ANKS1B: variants seen among roughly 807,000 people sequenced by gnomAD.
ANKS1B encodes ankyrin repeat and sterile alpha motif domain-containing protein 1B.
ANKS1B carries 36 observed loss-of-function variants against 148.3 expected under a neutral mutation model. The observed-to-expected ratio is 0.24, with a 90% CI of 0.19 to 0.32. The LOEUF (loss-of-function observed/expected upper bound fraction) is 0.32. Among genes scored for constraint, ANKS1B ranks in the 10% least tolerant of loss-of-function variants. ANKS1B has a pLI of 1.00. For missense variants in ANKS1B, 1,157 were observed against 1,542.6 expected (o/e 0.75, Z 4.19); for synonymous variants, 542 against 560.8 (o/e 0.97, Z 0.47).
intron 9 of ANKS1B, among the ~76,000 whole-genome samples, chr12:99,562,056 C>T (rs1478220492): frequency 1.3e-5 from 2 of 152,184 alleles, no homozygotes; most frequent in East Asian, 3.9e-4. Context: ...ATAAAAACAA[C>T]ACTAATATCC....
chr12:99,245,751 TTTTC>T (rs1163459726), intron 13 of ANKS1B, among the ~76,000 whole-genome samples: 1 of 152,200 alleles, frequency 6.6e-6, no homozygotes, highest in Non-Finnish European at 1.5e-5. Context: ...TCAAACATTT[TTTTC>T]TTTATTTCCC....
chr12:99,380,261 T>C (rs2093583267), intron 12 of ANKS1B, among the ~76,000 whole-genome samples: 1 of 152,250 alleles, frequency 6.6e-6, no homozygotes, highest in African/African-American at 2.4e-5. Context: ...GCTATATTTG[T>C]AGAGCTGCTC....
intron 12 of ANKS1B, among the ~76,000 whole-genome samples, chr12:99,292,710 C>T (rs535106516): frequency 4.6e-5 from 7 of 152,120 alleles, no homozygotes; most frequent in Non-Finnish European, 8.8e-5. Flanking sequence ...AGACACTTCT[C>T]AAAAGAAAAC....
intron 15 of ANKS1B, among the ~76,000 whole-genome samples, chr12:99,098,619 CTTTTTTTTTTTTTTTTTTTTTTTTT>C (rs71081896): frequency 0.024 from 759 of 32,164 alleles, 41 homozygotes; most frequent in African/African-American, 0.076. Flanking sequence ...CTAGGAACTA[CTTTTTTTTTTTTTTTTTTTTTTTTT>C]TTTTTTTTTT....
chr12:99,217,873 C>T (rs2084470656), intron 14 of ANKS1B, among the ~76,000 whole-genome samples: 1 of 152,098 alleles, frequency 6.6e-6, no homozygotes, highest in Non-Finnish European at 1.5e-5. Flanking sequence ...AACTGAGGCT[C>T]AGAGTGAATA....
chr12:99,864,190 T>C (rs1480315617), intron 1 of ANKS1B, among the ~76,000 whole-genome samples: 2 of 151,542 alleles, frequency 1.3e-5, no homozygotes, highest in African/African-American at 4.8e-5. Flanking sequence ...CACAAACACC[T>C]AACTGGTCTC....
At chr12:98,852,780 CA>C (rs1430297058) in intron 17 of ANKS1B, among the ~76,000 whole-genome samples, 1 of 152,078 alleles carries the variant, frequency 6.6e-6, no homozygotes, top group Admixed American at 6.5e-5. Flanking sequence ...TTGCCTCCTC[CA>C]TTAAAATGAA....
chr12:99,932,095 A>T (rs1014411763), intron 1 of ANKS1B, among the ~76,000 whole-genome samples: 5 of 152,192 alleles, frequency 3.3e-5, no homozygotes, highest in Non-Finnish European at 5.9e-5. Flanking sequence ...GTTGCAAATT[A>T]CAGGATCTCA....
chr12:98,879,412 G>C (rs2099700571), intron 17 of ANKS1B, among the ~76,000 whole-genome samples: 1 of 152,184 alleles, frequency 6.6e-6, no homozygotes, highest in Non-Finnish European at 1.5e-5. Flanking sequence ...AAGTCATAGA[G>C]TGAGGATGTA....
chr12:98,898,243 T>G (rs986655029), intron 17 of ANKS1B, among the ~76,000 whole-genome samples: 1 of 152,208 alleles, frequency 6.6e-6, no homozygotes, highest in African/African-American at 2.4e-5. Flanking sequence ...AAGTAAATAT[T>G]ACAGTCTGGA....
chr12:99,871,403 T>C lies in ANKS1B; in HGVS notation c.135-46014A>G, dbSNP rs543070729. Among the ~76,000 whole-genome samples, 3 of 152,276 alleles carry C rather than the reference T, an allele frequency of 2.0e-5. No homozygotes were observed. In the South Asian group the frequency reaches 6.2e-4, roughly 32 times the overall value. On this transcript the variant is annotated intron_variant, in intron 1 of 26. Transcript: ENST00000683438. ...GCTTTGGCTATTTGGGCTCTTTTTT[T>C]AGTTCCACATGAATTTTAGAATAGT...
rs528692218 is a variant in ANKS1B, at chr12:98,806,325, T to A, written c.3141+1519A>T. On this transcript the variant is annotated intron_variant, in intron 20 of 26. Coordinates refer to ENST00000683438, the MANE Select transcript of ANKS1B (RefSeq NM_001352186.2). ...CTTTAAAATTTTTAAAAATTAGGAT[T>A]TAATTGATTTTTAAAAATAGAACCT... Among the ~76,000 whole-genome samples, 5 of 152,354 alleles carry A rather than the reference T, an allele frequency of 3.3e-5. No homozygotes were observed. In the South Asian group the frequency reaches 1.0e-3, roughly 32 times the overall value.
chr12:99,662,248 C>T (rs576764646), intron 8 of ANKS1B, among the ~76,000 whole-genome samples: 1 of 152,244 alleles, frequency 6.6e-6, no homozygotes, highest in East Asian at 1.9e-4. Context: ...CTTTGGAAGG[C>T]CTTCTTGATG....
chr12:98,883,283 G>A (rs2099719833), intron 17 of ANKS1B, among the ~76,000 whole-genome samples: 1 of 152,100 alleles, frequency 6.6e-6, no homozygotes, highest in African/African-American at 2.4e-5. Context: ...AAGCAATAGG[G>A]GATTAGGGCA....
At chr12:99,826,191 C>T (rs527420505) in intron 1 of ANKS1B, among the ~76,000 whole-genome samples, 2 of 152,270 alleles carry the variant, frequency 1.3e-5, no homozygotes, top group African/African-American at 2.4e-5. Context: ...ATTTATTGTA[C>T]ACCAACTGTA....
In ANKS1B at chr12:99,576,926, C is replaced by G. The variant is rs1219136680; in HGVS notation, c.1273-72285G>C. On this transcript the variant is annotated intron_variant, in intron 9 of 26. Transcript: ENST00000683438. ...TCACTCCCCTCACTATCTCTTCCAT[C>G]TAGTAGACCCTAGTGTCTACTGTTG... Among the ~76,000 whole-genome samples, 4 of 151,826 alleles carry G rather than the reference C, an allele frequency of 2.6e-5. No individual in the cohort carries two copies. In the East Asian group the frequency reaches 7.7e-4, roughly 29 times the overall value.
intron 1 of ANKS1B, among the ~76,000 whole-genome samples, chr12:99,904,288 T>C (rs537550337): frequency 7.3e-6 from 1 of 137,406 alleles, no homozygotes; most frequent in East Asian, 1.9e-4. Context: ...ACCTCCTGGA[T>C]TCAAGATAAT....
intron 17 of ANKS1B, among the ~76,000 whole-genome samples, chr12:98,842,159 T>G (rs1335912748): frequency 1.3e-5 from 2 of 152,146 alleles, no homozygotes; most frequent in East Asian, 3.9e-4. Flanking sequence ...AGCTAAAAAT[T>G]AGCAATAATC....
intron 12 of ANKS1B, among the ~76,000 whole-genome samples, chr12:99,292,234 T>C (rs1300803633): frequency 6.6e-6 from 1 of 151,812 alleles, no homozygotes; most frequent in African/African-American, 2.4e-5. Flanking sequence ...GGCTCACGCC[T>C]GTAATCCCAG....
Sources: allele counts gnomAD v4.1 joint callset (sites outside exome capture counted in the v4.1 genomes callset), GRCh38; gene constraint gnomAD v4.1.1; transcripts MANE v1.5; gene names NCBI Gene and HGNC (gene_info 2026-07-23, HGNC 2026-07-21).